Variants in ROBO1 observed in about 807,000 individuals in gnomAD.
ROBO1 encodes roundabout homolog 1.
A neutral mutation model predicts 195.9 loss-of-function variants in ROBO1; 149 were observed. The observed-to-expected ratio is 0.76, with a 90% CI of 0.67 to 0.87. The LOEUF is 0.87. ROBO1 is among the 40% of genes least tolerant of loss of function. ROBO1 has a pLI of 0.00. For synonymous variants in ROBO1, 816 were observed against 733.2 expected, an observed-to-expected ratio of 1.11 and a Z score of -1.82; for missense variants, 1,933 against 2,068.3, an observed-to-expected ratio of 0.93 and a Z score of 1.27.
chr3:79,291,772 T>G (rs1293452836), intron 2 of ROBO1, among the ~76,000 whole-genome samples: 1 of 152,182 alleles, frequency 6.6e-6, no homozygotes, highest in Non-Finnish European at 1.5e-5. Context: ...AGTTTGAAAT[T>G]ATCTAGATTC....
At chr3:79,192,155 A>T (rs1313635730) in intron 2 of ROBO1, among the ~76,000 whole-genome samples, 1 of 151,644 alleles carries the variant, frequency 6.6e-6, no homozygotes, top group East Asian at 1.9e-4. Context: ...AACAAAATTC[A>T]TTCTCAATTC....
At chr3:79,634,399 A>G (rs1198175394) in intron 1 of ROBO1, among the ~76,000 whole-genome samples, 1 of 152,198 alleles carries the variant, frequency 6.6e-6, no homozygotes, top group Non-Finnish European at 1.5e-5. Context: ...ATGATAAAAG[A>G]ACAAAAATAG....
chr3:79,288,260 A>G (rs1195581433), intron 2 of ROBO1, among the ~76,000 whole-genome samples: 1 of 152,188 alleles, frequency 6.6e-6, no homozygotes, highest in Admixed American at 6.5e-5. Context: ...TGCACTTCTG[A>G]AACTAAGGAA....
At chr3:79,443,106 A>AT (rs1472437948) in intron 2 of ROBO1, among the ~76,000 whole-genome samples, 2 of 152,132 alleles carry the variant, frequency 1.3e-5, no homozygotes, top group Non-Finnish European at 2.9e-5. Flanking sequence ...ACATATGTAT[A>AT]TTTTTTAAAA....
chr3:78,697,045 G>GACACAC (rs10663468), intron 8 of ROBO1, among the ~76,000 whole-genome samples: 44 of 146,510 alleles, frequency 3.0e-4, no homozygotes, highest in African/African-American at 7.5e-4. Context: ...GTCACACACA[G>GACACAC]ACACACACAC....
intron 1 of ROBO1, among the ~76,000 whole-genome samples, chr3:79,676,722 C>A (rs1304876667): frequency 1.3e-5 from 2 of 151,978 alleles, no homozygotes; most frequent in Non-Finnish European, 2.9e-5. Flanking sequence ...GGTAACATTT[C>A]ACCACCTTTG....
At chr3:78,871,369 T>C (rs1288623635) in intron 4 of ROBO1, among the ~76,000 whole-genome samples, 2 of 152,198 alleles carry the variant, frequency 1.3e-5, no homozygotes, top group Non-Finnish European at 2.9e-5. Flanking sequence ...CTTTAGATTT[T>C]CATCTTATGC....
intron 4 of ROBO1, among the ~76,000 whole-genome samples, chr3:78,912,932 A>G (rs1449972794): frequency 6.6e-6 from 1 of 152,056 alleles, no homozygotes; most frequent in Non-Finnish European, 1.5e-5. Flanking sequence ...TGAACGTCCA[A>G]TTTTCTCCTC....
chr3:78,813,087 A>AT (rs1474304925), intron 4 of ROBO1, among the ~76,000 whole-genome samples: 1 of 152,072 alleles, frequency 6.6e-6, no homozygotes, highest in African/African-American at 2.4e-5. Context: ...ATTTTAAGTG[A>AT]TTCATTAACA....
rs948665341 is a variant in ROBO1 at position 78,971,505 on chromosome 3, T to A, written c.173-32578A>T. 2.0e-5 allele frequency among the ~76,000 whole-genome samples: 3 copies of A among 152,168 alleles called. No individual in the cohort carries two copies. In the East Asian group the frequency reaches 5.8e-4, roughly 29 times the overall value. On this transcript the variant is annotated intron_variant, in intron 3 of 30. Coordinates refer to ENST00000464233, the MANE Select transcript of ROBO1 (RefSeq NM_002941.4). ...ATAACCTAAAAAAATGACTGAGAAC[T>A]GCTGATACACAGAAAAGGAGGTCTT...
intron 2 of ROBO1, among the ~76,000 whole-genome samples, chr3:79,383,664 T>G (rs2036644344): frequency 6.6e-6 from 1 of 152,082 alleles, no homozygotes; most frequent in Admixed American, 6.6e-5. Flanking sequence ...TCACTATTAA[T>G]CTACCAAAAA....
At chr3:78,756,071 A>C (rs1272359560) in intron 4 of ROBO1, among the ~76,000 whole-genome samples, 2 of 152,230 alleles carry the variant, frequency 1.3e-5, no homozygotes, top group East Asian at 3.9e-4. Context: ...ATACATTCTA[A>C]GTTTATAAAT....
At chr3:78,810,869 A>G (rs1204589849) in intron 4 of ROBO1, among the ~76,000 whole-genome samples, 1 of 152,182 alleles carries the variant, frequency 6.6e-6, no homozygotes, top group Non-Finnish European at 1.5e-5. Flanking sequence ...AACAAAAAAG[A>G]TCTTAAAAAA....
intron 1 of ROBO1, among the ~76,000 whole-genome samples, chr3:79,699,876 A>T (rs1475902875): frequency 6.6e-6 from 1 of 151,576 alleles, no homozygotes; most frequent in African/African-American, 2.4e-5. Context: ...GTGTATGTGT[A>T]GGTTTGTCAT....
rs923297084 is a variant in ROBO1 at position 79,634,057 on chromosome 3, A to C, written c.-50-44096T>G. 8.5e-5 allele frequency among the ~76,000 whole-genome samples: 13 copies of C among 152,258 alleles called. 1 individual carries two copies. The South Asian group carries it at 2.7e-3, about 32-fold the overall frequency. On this transcript the variant is annotated intron_variant, in intron 1 of 30. Transcript: ENST00000464233. ...TGAATAAATGTGTGGAATATTATTG[A>C]GCTCTGACTTATACCTAAGAAACTT...
rs144018120 is a variant in ROBO1, at chr3:78,971,432, A to G, written c.173-32505T>C. On this transcript the variant is annotated intron_variant, in intron 3 of 30. Transcript: ENST00000464233. Reference sequence around the variant, plus strand: ...TCCAGGACTCAACCCAGGGATTCTGATTTGGTAGGTCTAAAGTGTGGCTCC... The same window carrying G: ...TCCAGGACTCAACCCAGGGATTCTGGTTTGGTAGGTCTAAAGTGTGGCTCC... Among the ~76,000 whole-genome samples, 24 of 152,272 alleles carry G rather than the reference A, an allele frequency of 1.6e-4. No homozygotes were observed. The East Asian group carries it at 4.3e-3, about 27-fold the overall frequency.
chr3:79,282,978 T>C (rs921297822), intron 2 of ROBO1, among the ~76,000 whole-genome samples: 1 of 152,198 alleles, frequency 6.6e-6, no homozygotes, highest in Non-Finnish European at 1.5e-5. Flanking sequence ...TAAAGGGAAG[T>C]TGCTGCACAT....
intron 2 of ROBO1, among the ~76,000 whole-genome samples, chr3:79,473,545 G>A (rs1462555829): frequency 6.6e-6 from 1 of 152,020 alleles, no homozygotes; most frequent in East Asian, 1.9e-4. Context: ...GTCTCAGCAG[G>A]ATACATCTTA....
intron 2 of ROBO1, among the ~76,000 whole-genome samples, chr3:79,488,559 A>G (rs1409031816): frequency 1.3e-5 from 2 of 152,214 alleles, no homozygotes; most frequent in African/African-American, 4.8e-5. Context: ...AAAAGAATAG[A>G]AATCATAAAA....
Sources: gnomAD v4.1 joint callset for allele counts (sites outside exome capture counted in the v4.1 genomes callset) on GRCh38, gnomAD v4.1.1 for gene constraint, MANE v1.5 for transcripts, NCBI Gene and HGNC (gene_info 2026-07-23, HGNC 2026-07-21) for gene names.